CCDC138: variants seen among roughly 807,000 people sequenced by gnomAD.
CCDC138 encodes the protein coiled-coil domain-containing protein 138.
In CCDC138, 66 loss-of-function variants were observed where a neutral mutation model predicts 82.3. The observed-to-expected ratio is 0.80, with a 90% CI of 0.66 to 0.98. The LOEUF is 0.98. CCDC138 is among the 50% of genes least tolerant of loss of function. The pLI, the probability that CCDC138 is intolerant of heterozygous loss-of-function variation, is 0.00. For missense variants in CCDC138, 816 were observed against 758.9 expected, an observed-to-expected ratio of 1.08 and a Z score of -0.88; for synonymous variants, 297 against 265.4, an observed-to-expected ratio of 1.12 and a Z score of -1.16.
intron 7 of CCDC138, among the ~76,000 whole-genome samples, chr2:108,812,189 A>G (rs1157506548): frequency 6.6e-6 from 1 of 152,180 alleles, no homozygotes; most frequent in African/African-American, 2.4e-5. Flanking sequence ...TCCTTTCCAT[A>G]TATAGGAAGT....
intron 10 of CCDC138, among the ~76,000 whole-genome samples, chr2:108,835,446 G>A (rs1351191827): frequency 2.0e-5 from 3 of 152,122 alleles, no homozygotes; most frequent in Non-Finnish European, 4.4e-5. Flanking sequence ...ACTGTTGATG[G>A]TTAAGTCCCC....
intron 10 of CCDC138, among the ~76,000 whole-genome samples, chr2:108,820,133 C>T (rs954551551): frequency 1.3e-5 from 2 of 152,140 alleles, no homozygotes; most frequent in Non-Finnish European, 2.9e-5. Context: ...AGAGGCTGGG[C>T]ACAGTGGCTT....
chr2:108,788,918 A>G lies in CCDC138; in HGVS notation c.218A>G (p.His73Arg). The change falls in exon 3 of 15, where the codon CAT (histidine) becomes CGT (arginine). Residue 73 changes from histidine to arginine, a missense_variant. Physicochemically the swap from His to Arg is conservative, Grantham distance 29. Transcript: ENST00000295124. ...SSLKYSDESK[H>R]CRTPLGSLFK... ...TTAAAATATTCTGATGAAAGCAAGC[A>G]TTGTAGAACACCATTGGGCAGCTTA... 6.2e-7 allele frequency: 1 copy of G among 1,614,166 alleles called. No individual in the cohort carries two copies. Among genetic ancestry groups the G allele is most frequent in the Non-Finnish European group, 8.5e-7 (1 of 1,180,010 alleles).
intron 1 of CCDC138, 111 bp from the exon 2 acceptor site, chr2:108,787,921 A>G: frequency 1.1e-6 from 1 of 942,518 alleles, no homozygotes; most frequent in East Asian, 3.0e-5. Context: ...TGGTGTCTAC[A>G]AGATTTCTCC....
intron 14 of CCDC138, among the ~76,000 whole-genome samples, chr2:108,874,523 T>G (rs888439947): frequency 2.0e-5 from 3 of 152,210 alleles, no homozygotes; most frequent in African/African-American, 2.4e-5. Flanking sequence ...TTATTTTGAT[T>G]TAGGTTCAGC....
chr2:108,869,092 A>C (rs572428535), intron 13 of CCDC138, among the ~76,000 whole-genome samples: 257 of 152,218 alleles, frequency 1.7e-3, no homozygotes, highest in Non-Finnish European at 2.7e-3. Flanking sequence ...GCAGAGCAAA[A>C]TTCAAACATC....
chr2:108,856,772 A>G, intron 12 of CCDC138, 22 bp from the exon 13 acceptor site: 1 of 1,601,356 alleles, frequency 6.2e-7, no homozygotes, highest in Non-Finnish European at 8.5e-7. Context: ...ACTGCAGTTG[A>G]TTGTACATAA....
chr2:108,809,736 C>T (rs935031515), intron 7 of CCDC138, among the ~76,000 whole-genome samples: 40 of 152,082 alleles, frequency 2.6e-4, no homozygotes, highest in South Asian at 1.9e-3. Flanking sequence ...TGGAGTCTTT[C>T]GGTTTCTTTG....
At chr2:108,816,895 C>T (rs961763228) in intron 10 of CCDC138, among the ~76,000 whole-genome samples, 2 of 152,184 alleles carry the variant, frequency 1.3e-5, no homozygotes, top group South Asian at 2.1e-4. Context: ...TCAGACCTGG[C>T]TTCATTGCAC....
intron 10 of CCDC138, among the ~76,000 whole-genome samples, chr2:108,829,484 G>A (rs1376235553): frequency 1.3e-5 from 2 of 152,224 alleles, no homozygotes; most frequent in African/African-American, 4.8e-5. Context: ...GGTGGCCCAT[G>A]CCTGTAATGC....
At chr2:108,875,320 A>T (rs1029883191) in intron 14 of CCDC138, among the ~76,000 whole-genome samples, 18 of 4,838 alleles carry the variant, frequency 3.7e-3, no homozygotes, top group Non-Finnish European at 1.4e-3. Context: ...AAAGTATAAT[A>T]AAAAAAAAAA....
chr2:108,830,987 C>T (rs1468652064), intron 10 of CCDC138, among the ~76,000 whole-genome samples: 1 of 152,028 alleles, frequency 6.6e-6, no homozygotes, highest in Non-Finnish European at 1.5e-5. Context: ...CCAGCCTGAC[C>T]AACATGGAGA....
chr2:108,847,615 T>C (rs546394972), intron 12 of CCDC138, among the ~76,000 whole-genome samples: 2 of 152,324 alleles, frequency 1.3e-5, no homozygotes, highest in Admixed American at 1.3e-4. Context: ...CTATAACAGG[T>C]TATATTATTA....
chr2:108,826,499 G>A (rs749063616), intron 10 of CCDC138, among the ~76,000 whole-genome samples: 5 of 152,050 alleles, frequency 3.3e-5, no homozygotes, highest in Non-Finnish European at 4.4e-5. Context: ...AGCATCATTA[G>A]TTGAAAAATC....
intron 10 of CCDC138, among the ~76,000 whole-genome samples, chr2:108,832,640 A>G (rs1417601857): frequency 6.6e-6 from 1 of 152,154 alleles, no homozygotes; most frequent in Non-Finnish European, 1.5e-5. Flanking sequence ...AGGGACCACA[A>G]TTTGAGAACC....
At chr2:108,867,354 G>T (rs1694575551) in intron 13 of CCDC138, among the ~76,000 whole-genome samples, 1 of 152,094 alleles carries the variant, frequency 6.6e-6, no homozygotes, top group South Asian at 2.1e-4. Context: ...AATTGAAAAA[G>T]CAAGCTAGAA....
intron 13 of CCDC138, among the ~76,000 whole-genome samples, chr2:108,860,945 T>TTTTTTTTG (rs1693491909): frequency 7.1e-6 from 1 of 139,940 alleles, no homozygotes; most frequent in Non-Finnish European, 1.6e-5. Context: ...CTTTTTTTTT[T>TTTTTTTTG]TTTTTTTTTT....
chr2:108,815,461 G>GTTTTTTTTTTTTTTT (rs35206784), intron 9 of CCDC138, among the ~76,000 whole-genome samples: 2 of 70,700 alleles, frequency 2.8e-5, no homozygotes, highest in Non-Finnish European at 2.5e-5. Flanking sequence ...GGTTTTTGGT[G>GTTTTTTTTTTTTTTT]TTTTTTTTTT....
At chr2:108,799,879 C>T (rs138901755) in intron 6 of CCDC138, among the ~76,000 whole-genome samples, 140 of 152,082 alleles carry the variant, frequency 9.2e-4, no homozygotes, top group African/African-American at 3.0e-3. Context: ...CTTTTTTAAT[C>T]TCCATGTTGC....
Sources: gnomAD v4.1 joint callset for allele counts (sites outside exome capture counted in the v4.1 genomes callset) on GRCh38, gnomAD v4.1.1 for gene constraint, MANE v1.5 for transcripts, NCBI Gene and HGNC (gene_info 2026-07-23, HGNC 2026-07-21) for gene names.